PPP6R3: variants seen among roughly 807,000 people sequenced by gnomAD.
PPP6R3 encodes the protein serine/threonine-protein phosphatase 6 regulatory subunit 3.
A neutral mutation model predicts 110.7 loss-of-function variants in PPP6R3; 38 were observed. The observed-to-expected ratio is 0.34, with a 90% CI of 0.26 to 0.45. The LOEUF (loss-of-function observed/expected upper bound fraction) is 0.45. PPP6R3 is among the 20% of genes least tolerant of loss of function. The probability of loss-of-function intolerance (pLI) is 1.00; values close to 1 mark genes in which losing one functional copy is unlikely to be tolerated. For synonymous variants in PPP6R3, 369 were observed against 373.5 expected (o/e 0.99, Z 0.14); for missense variants, 870 against 1,062.4 (o/e 0.82, Z 2.52).
intron 3 of PPP6R3, among the ~76,000 whole-genome samples, chr11:68,543,218 G>A (rs1277181844): frequency 6.6e-6 from 1 of 152,154 alleles, no homozygotes; most frequent in Non-Finnish European, 1.5e-5. Context: ...GCATGTAAGT[G>A]GTAGAGGCCG....
rs113019159 is a variant in PPP6R3, at chr11:68,614,877, A to ATAAT, written c.*1761_*1764dup. On this transcript the variant is annotated 3_prime_UTR_variant, in exon 24 of 24. Coordinates refer to ENST00000393800, the MANE Select transcript of PPP6R3 (RefSeq NM_001164161.2). ...GTTGGACCTCGGGGATTACTGGTAG[A>ATAAT]TAATATGCTCTGGTCTCGCCTGGTG... 3.8e-3 allele frequency: 3,427 copies of ATAAT among 907,542 alleles called. 91 individuals are homozygous for ATAAT. In the African/African-American group the frequency reaches 0.05, roughly 13 times the overall value. 56.2% of individuals were successfully genotyped at this position (907,542 alleles called of 1,614,324 possible).
At position 68,605,449 on chromosome 11, in the gene PPP6R3, G is replaced by A. The variant is rs1167508975; in HGVS notation, c.2450+1957G>A. On this transcript the variant is annotated intron_variant, in intron 22 of 23. Transcript: ENST00000393800. ...CATTATAATTCAATGAGGAAAGAGTGGACTAGTAAATAGTGATTATCCACA... is the reference window on the plus strand; with the variant it reads ...CATTATAATTCAATGAGGAAAGAGTAGACTAGTAAATAGTGATTATCCACA... Among the ~76,000 whole-genome samples the A allele has an allele frequency of 2.6e-5, 4 of 152,174 alleles. No individual in the cohort carries two copies. In the Middle Eastern group the frequency reaches 0.01, roughly 388 times the overall value.
Position 68,544,900 on chromosome 11 carries a change from G to A in PPP6R3, c.290G>A (p.Gly97Glu). 1 of 1,607,792 alleles carries A rather than the reference G, an allele frequency of 6.2e-7. No individual in the cohort carries two copies. Among genetic ancestry groups the A allele is most frequent in the Non-Finnish European group, 8.5e-7 (1 of 1,174,354 alleles). Residue 97 changes from glycine (G) to glutamate (E), a missense_variant, in exon 4 of 24, where the codon GGA (glycine) becomes GAA (glutamate). Transcript: ENST00000393800. ...GTCTCCCAGATGAATGATAGACTGG[G>A]AGAAGATGAATCCTTGCTAATGAAA... ...SDVSQMNDRL[G>E]EDESLLMKLY...
At chr11:68,571,492 T>C (rs916524343) in intron 12 of PPP6R3, among the ~76,000 whole-genome samples, 5 of 152,224 alleles carry the variant, frequency 3.3e-5, no homozygotes, top group African/African-American at 1.2e-4. Flanking sequence ...ATATTTTCAT[T>C]GTAGAGAAGA....
intron 14 of PPP6R3, among the ~76,000 whole-genome samples, chr11:68,581,522 C>T (rs2099554498): frequency 6.6e-6 from 1 of 152,244 alleles, no homozygotes; most frequent in South Asian, 2.1e-4. Flanking sequence ...CATGGGGTTA[C>T]ACCCCTAAAA....
chr11:68,472,787 C>A (rs2098801541), intron 1 of PPP6R3, among the ~76,000 whole-genome samples: 1 of 152,152 alleles, frequency 6.6e-6, no homozygotes, highest in South Asian at 2.1e-4. Flanking sequence ...AACAAAACCA[C>A]CTTGTACCCA....
Position 68,477,737 on chromosome 11 carries a change from AAAAAATATATATAT to A in PPP6R3, c.-158+16912_-158+16925del, listed in dbSNP as rs1477294250. ...GAGAGACATTGTCTCTTAAAAAAAA[AAAAAATATATATAT>A]ATATATATATATATATATATAATTT... On this transcript the variant is annotated intron_variant, in intron 1 of 23. Transcript: ENST00000393800. 1.8e-3 allele frequency among the ~76,000 whole-genome samples: 119 copies of A among 64,566 alleles called. 3 individuals carry two copies. The highest frequency in any genetic ancestry group is 6.5e-3 in the African/African-American group (110 of 16,926). The allele number at this position is 64,566 out of a possible 152,430, so 42.4% of individuals were successfully genotyped here.
At position 68,569,745 on chromosome 11, in the gene PPP6R3, TAGAACA is replaced by T. The variant is rs1432891679; in HGVS notation, c.1129-2_1132del. ...AATAAAACATGGTTTTTCTTTTTTGTAGAACATGTTCTTCAAGTATACATGGAATAA... is the reference window on the plus strand; with the variant it reads ...AATAAAACATGGTTTTTCTTTTTTGTTGTTCTTCAAGTATACATGGAATAA... On this transcript the variant is annotated splice_acceptor_variant and coding_sequence_variant, in exon 11 of 24. Coordinates refer to ENST00000393800, the MANE Select transcript of PPP6R3 (RefSeq NM_001164161.2). LOFTEE classifies it high-confidence loss of function. 6.4e-7 allele frequency: 1 copy of T among 1,568,948 alleles called. No individual in the cohort carries two copies. The highest frequency in any genetic ancestry group is 1.8e-5 in the Admixed American group (1 of 56,036).
At chr11:68,574,409 A>G (rs1005064025) in intron 13 of PPP6R3, among the ~76,000 whole-genome samples, 185 bp downstream of exon 13, 2 of 152,106 alleles carry the variant, frequency 1.3e-5, no homozygotes, top group African/African-American at 4.8e-5. Flanking sequence ...GGTTGTATTT[A>G]TGTTCATGTA....
intron 23 of PPP6R3, among the ~76,000 whole-genome samples, chr11:68,610,922 T>A (rs1237466812): frequency 6.6e-6 from 1 of 150,710 alleles, no homozygotes; most frequent in African/African-American, 2.4e-5. Context: ...GGAGCACTCT[T>A]TGTTGGTCCA....
At chr11:68,461,280 C>T (rs2098704302) in intron 1 of PPP6R3, among the ~76,000 whole-genome samples, 1 of 152,064 alleles carries the variant, frequency 6.6e-6, no homozygotes. Flanking sequence ...GTTGAGGCAG[C>T]AACTCGCCGT....
At chr11:68,548,726 A>G (rs754551873) in intron 5 of PPP6R3, among the ~76,000 whole-genome samples, 3 of 152,216 alleles carry the variant, frequency 2.0e-5, no homozygotes, top group Non-Finnish European at 2.9e-5. Flanking sequence ...TGAGAAGGAC[A>G]TATTTTAAAA....
At chr11:68,482,316 A>C (rs2153385258) in intron 1 of PPP6R3, among the ~76,000 whole-genome samples, 1 of 151,204 alleles carries the variant, frequency 6.6e-6, no homozygotes, top group African/African-American at 2.4e-5. Context: ...CAGGAGGCTG[A>C]GGCAGGAAAA....
In PPP6R3 at chr11:68,614,435, A is replaced by G. The variant is rs1944806294; in HGVS notation, c.*1318A>G. The G allele has an allele frequency of 7.5e-7, 1 of 1,334,786 alleles. No homozygotes were observed. The highest frequency in any genetic ancestry group is 9.6e-7 in the Non-Finnish European group (1 of 1,046,932). The allele number at this position is 1,334,786 out of a possible 1,614,324, so 82.7% of individuals were successfully genotyped here. A position where few individuals can be genotyped will look rare whatever the true frequency, so the allele number is the denominator to read the frequency against. On this transcript the variant is annotated 3_prime_UTR_variant, in exon 24 of 24. Coordinates refer to ENST00000393800, the MANE Select transcript of PPP6R3 (RefSeq NM_001164161.2). ...AATCAGTTTTTCATTTCTGTAATAG[A>G]AAATTATTCACGTATTTTTACATCA...
At chr11:68,593,721 T>A (rs2099602708) in intron 18 of PPP6R3, among the ~76,000 whole-genome samples, 1 of 152,130 alleles carries the variant, frequency 6.6e-6, no homozygotes. Flanking sequence ...ACACCCTCAT[T>A]TAAAAGACAG....
chr11:68,576,382 A>G (rs1427203823), intron 14 of PPP6R3, among the ~76,000 whole-genome samples: 1 of 152,166 alleles, frequency 6.6e-6, no homozygotes, highest in Non-Finnish European at 1.5e-5. Flanking sequence ...GCCACATGCC[A>G]CTGATAACCC....
intron 2 of PPP6R3, among the ~76,000 whole-genome samples, chr11:68,536,045 C>T (rs1483800072): frequency 6.6e-6 from 1 of 152,112 alleles, no homozygotes; most frequent in Non-Finnish European, 1.5e-5. Context: ...CATTGCCTAT[C>T]CTGTGAAGTG....
At chr11:68,568,044 A>G (rs1160575487) in intron 10 of PPP6R3, among the ~76,000 whole-genome samples, 2 of 152,122 alleles carry the variant, frequency 1.3e-5, no homozygotes, top group Non-Finnish European at 2.9e-5. Flanking sequence ...CCCAATTTCA[A>G]ACCCATACGT....
intron 1 of PPP6R3, among the ~76,000 whole-genome samples, chr11:68,495,413 G>A (rs757864462): frequency 6.6e-6 from 1 of 152,158 alleles, no homozygotes; most frequent in Non-Finnish European, 1.5e-5. Flanking sequence ...TCATGGAGTT[G>A]TACAACTGTC....
Sources: allele counts gnomAD v4.1 joint callset (sites outside exome capture counted in the v4.1 genomes callset), GRCh38; gene constraint gnomAD v4.1.1; transcripts MANE v1.5; gene names NCBI Gene and HGNC (gene_info 2026-07-23, HGNC 2026-07-21).